TMEM117: variants seen among roughly 807,000 people sequenced by gnomAD.
TMEM117 encodes the protein transmembrane protein 117.
Under a neutral mutation model 52.4 loss-of-function variants are expected in TMEM117, and 27 were observed. The observed-to-expected ratio is 0.51, with a 90% CI of 0.38 to 0.71. TMEM117 has a LOEUF of 0.71. TMEM117 is among the 30% of genes least tolerant of loss of function. The probability of loss-of-function intolerance (pLI) is 0.00; values close to 1 mark genes in which losing one functional copy is unlikely to be tolerated. For missense variants in TMEM117, 556 were observed against 630.5 expected, an observed-to-expected ratio of 0.88 and a Z score of 1.26; for synonymous variants, 215 against 206.3, an observed-to-expected ratio of 1.04 and a Z score of -0.36.
intron 4 of TMEM117, among the ~76,000 whole-genome samples, chr12:44,199,400 A>T (rs1390179248): frequency 6.6e-6 from 1 of 152,206 alleles, no homozygotes; most frequent in Non-Finnish European, 1.5e-5. Flanking sequence ...TTGGCTATAC[A>T]TACTGAGAAA....
rs77854261 is a variant in TMEM117 at position 44,134,109 on chromosome 12, C to T, written c.411-9416C>T. Reference sequence around the variant, plus strand: ...TTAAGTGATGTCAAATCTAGCTTTTCATCTATTCAGTCCACAGATATTCCC... The same window carrying T: ...TTAAGTGATGTCAAATCTAGCTTTTTATCTATTCAGTCCACAGATATTCCC... On this transcript the variant is annotated intron_variant, in intron 3 of 7. Coordinates refer to ENST00000266534, the MANE Select transcript of TMEM117 (RefSeq NM_032256.3). Among the ~76,000 whole-genome samples the T allele has an allele frequency of 3.8e-3, 574 of 152,338 alleles. 6 individuals carry two copies. Among genetic ancestry groups the T allele is most frequent in the African/African-American group, 0.013 (535 of 41,580 alleles).
intron 3 of TMEM117, among the ~76,000 whole-genome samples, chr12:44,119,402 A>T (rs145141516): frequency 6.7e-4 from 102 of 152,304 alleles, no homozygotes; most frequent in African/African-American, 2.4e-3. Context: ...GAGATTATTA[A>T]TCTAGTGAAC....
intron 3 of TMEM117, among the ~76,000 whole-genome samples, chr12:44,007,274 T>C (rs1487099059): frequency 6.6e-6 from 1 of 152,188 alleles, no homozygotes; most frequent in Non-Finnish European, 1.5e-5. Context: ...TTATGTTCAT[T>C]TATTTCTTGA....
rs1051365219 is a variant in TMEM117 at position 43,988,088 on chromosome 12, G to A, written c.410+43746G>A. On this transcript the variant is annotated intron_variant, in intron 3 of 7. Transcript: ENST00000266534. ...CTTTAGAATCTTAGAACAAGCCTTA[G>A]GAAAGACATTACTACCTATGGAAAA... Among the ~76,000 whole-genome samples the A allele has an allele frequency of 1.1e-4, 16 of 151,974 alleles. 1 individual carries two copies. The highest frequency in any genetic ancestry group is 2.4e-4 in the Non-Finnish European group (16 of 67,970).
At chr12:44,180,013 A>G (rs1288943661) in intron 4 of TMEM117, among the ~76,000 whole-genome samples, 1 of 152,152 alleles carries the variant, frequency 6.6e-6, no homozygotes, top group African/African-American at 2.4e-5. Context: ...GAAAATAAAA[A>G]AGAAGGTTTA....
chr12:43,902,512 G>A (rs563311275), intron 2 of TMEM117, among the ~76,000 whole-genome samples: 26 of 152,272 alleles, frequency 1.7e-4, no homozygotes, highest in African/African-American at 5.1e-4. Context: ...TTCCCTTCTC[G>A]TGAGGATGCT....
intron 3 of TMEM117, among the ~76,000 whole-genome samples, chr12:44,002,463 A>G (rs1290082724): frequency 6.6e-6 from 1 of 151,986 alleles, no homozygotes; most frequent in Non-Finnish European, 1.5e-5. Flanking sequence ...TTGTCATCCA[A>G]AGTCTCACCC....
intron 6 of TMEM117, among the ~76,000 whole-genome samples, chr12:44,342,149 G>A (rs898064283): frequency 2.6e-5 from 4 of 152,124 alleles, no homozygotes; most frequent in Non-Finnish European, 5.9e-5. Context: ...CAATTCCAGT[G>A]TACTGGCGTT....
intron 5 of TMEM117, among the ~76,000 whole-genome samples, chr12:44,256,913 A>G (rs936800234): frequency 1.3e-5 from 2 of 151,424 alleles, no homozygotes; most frequent in Non-Finnish European, 2.9e-5. Context: ...TAACTTGGCC[A>G]TTATTTACAC....
chr12:43,904,460 C>G (rs1047337697), intron 2 of TMEM117, among the ~76,000 whole-genome samples: 2 of 151,564 alleles, frequency 1.3e-5, no homozygotes, highest in African/African-American at 4.8e-5. Flanking sequence ...TTTTAATGTC[C>G]CCAATCCTAG....
intron 6 of TMEM117, among the ~76,000 whole-genome samples, chr12:44,317,507 G>A (rs1951072207): frequency 6.6e-6 from 1 of 151,918 alleles, no homozygotes; most frequent in Admixed American, 6.6e-5. Flanking sequence ...CAATCCTCCT[G>A]CCTCAGCCTC....
intron 5 of TMEM117, among the ~76,000 whole-genome samples, chr12:44,217,337 T>C (rs1441203441): frequency 6.6e-6 from 1 of 152,182 alleles, no homozygotes; most frequent in Non-Finnish European, 1.5e-5. Context: ...CTGAGACAAG[T>C]TGAGACCTGT....
chr12:44,196,288 A>G (rs562041982), intron 4 of TMEM117, among the ~76,000 whole-genome samples: 2 of 152,306 alleles, frequency 1.3e-5, no homozygotes, highest in East Asian at 1.9e-4. Context: ...ATTAATAAAA[A>G]TAAAGGTACT....
At chr12:44,061,166 A>T (rs1592483311) in intron 3 of TMEM117, among the ~76,000 whole-genome samples, 1 of 152,204 alleles carries the variant, frequency 6.6e-6, no homozygotes, top group African/African-American at 2.4e-5. Flanking sequence ...TGGTGATTAG[A>T]AAACAGCAGA....
At chr12:44,220,520 A>G (rs1949774455) in intron 5 of TMEM117, among the ~76,000 whole-genome samples, 1 of 152,182 alleles carries the variant, frequency 6.6e-6, no homozygotes, top group African/African-American at 2.4e-5. Context: ...AATTGTAGCT[A>G]TGTTTGTATA....
At chr12:43,800,403 C>T in the TMEM117 span, 1 of 1,528,470 alleles carries the variant, frequency 6.5e-7, no homozygotes, top group Non-Finnish European at 9.0e-7. Context: ...ATTTTAATTG[C>T]AACATATAGA....
intron 5 of TMEM117, among the ~76,000 whole-genome samples, chr12:44,282,636 G>T (rs1213933572): frequency 6.6e-6 from 1 of 152,192 alleles, no homozygotes; most frequent in African/African-American, 2.4e-5. Flanking sequence ...GAGGTGACTT[G>T]TCATTCAGTT....
intron 5 of TMEM117, among the ~76,000 whole-genome samples, chr12:44,227,177 G>C (rs989546961): frequency 1.3e-5 from 2 of 152,070 alleles, no homozygotes; most frequent in African/African-American, 4.8e-5. Context: ...GCAAAAACAT[G>C]ACCCTGGGAA....
chr12:43,796,860 GGAT>G, the TMEM117 span: 12 of 1,133,610 alleles, frequency 1.1e-5, no homozygotes, highest in East Asian at 1.5e-4. Context: ...TAAGGATTTA[GGAT>G]GATAACAAGA....
Sources: gnomAD v4.1 joint callset for allele counts (sites outside exome capture counted in the v4.1 genomes callset) on GRCh38, gnomAD v4.1.1 for gene constraint, MANE v1.5 for transcripts, NCBI Gene and HGNC (gene_info 2026-07-23, HGNC 2026-07-21) for gene names.